The following AKR1C8 variants were observed in gnomAD, a reference collection of about 807,000 sequenced individuals.
The protein encoded by AKR1C8 is aldo-keto reductase family 1 member C8.
the AKR1C8 span, among the ~76,000 whole-genome samples, chr10:5,179,958 CCTT>C: frequency 2.0e-5 from 3 of 152,214 alleles, no homozygotes; most frequent in African/African-American, 7.2e-5. Context: ...TCATCTGAAG[CCTT>C]CTTCTCTCAA....
chr10:5,116,964 A>C, the AKR1C8 span, among the ~76,000 whole-genome samples: 13 of 152,206 alleles, frequency 8.5e-5, no homozygotes, highest in African/African-American at 2.9e-4. Flanking sequence ...GATGAATCCA[A>C]TCTCTCCAAA....
At chr10:5,147,561 A>G in the AKR1C8 span, among the ~76,000 whole-genome samples, 1 of 152,118 alleles carries the variant, frequency 6.6e-6, no homozygotes, top group Admixed American at 6.6e-5. Flanking sequence ...GTGTGGGTAA[A>G]GTCAGGAGAA....
chr10:5,132,739 T>G, the AKR1C8 span: 1 of 1,525,610 alleles, frequency 6.6e-7, no homozygotes, highest in Non-Finnish European at 9.0e-7. Context: ...ATTGCTAATT[T>G]TGTAACCTCC....
the AKR1C8 span, chr10:5,132,613 A>G: frequency 6.3e-7 from 1 of 1,579,714 alleles, no homozygotes; most frequent in Non-Finnish European, 8.7e-7. Context: ...TTTGAAGTGT[A>G]GAATATGTCT....
the AKR1C8 span, among the ~76,000 whole-genome samples, chr10:5,137,056 ATCTG>A: frequency 6.6e-6 from 1 of 152,208 alleles, no homozygotes; most frequent in African/African-American, 2.4e-5. Context: ...AAGCAATAGT[ATCTG>A]TCTAAGGAAA....
the AKR1C8 span, among the ~76,000 whole-genome samples, chr10:5,144,241 T>G: frequency 6.6e-6 from 1 of 152,136 alleles, no homozygotes. Context: ...ATATCTCTGT[T>G]TTGGTACCAG....
chr10:5,118,369 C>T, the AKR1C8 span, among the ~76,000 whole-genome samples: 1 of 58,928 alleles, frequency 1.7e-5, no homozygotes. Context: ...TTCTTCTTGG[C>T]CTAAGTAGCA....
chr10:5,161,218 T>G, the AKR1C8 span, among the ~76,000 whole-genome samples: 1 of 152,176 alleles, frequency 6.6e-6, no homozygotes, highest in East Asian at 1.9e-4. Flanking sequence ...GTCCCTACAG[T>G]TGGAATTCAT....
the AKR1C8 span, among the ~76,000 whole-genome samples, chr10:5,169,773 A>G: frequency 1.3e-5 from 2 of 152,214 alleles, no homozygotes; most frequent in African/African-American, 4.8e-5. Flanking sequence ...AATAATTTCC[A>G]TTAAAAAAAG....
chr10:5,123,436 C>T, the AKR1C8 span: 1 of 423,778 alleles, frequency 2.4e-6, no homozygotes, highest in Non-Finnish European at 4.4e-6. Flanking sequence ...AGTTCTGGTC[C>T]ACCCTGGAAG....
At chr10:5,161,862 A>G in the AKR1C8 span, 1 of 534,142 alleles carries the variant, frequency 1.9e-6, no homozygotes, top group Non-Finnish European at 3.8e-6. Context: ...TGACCTTCAT[A>G]GCAAATGGTA....
At chr10:5,158,733 G>C in the AKR1C8 span, 6 of 475,256 alleles carry the variant, frequency 1.3e-5, no homozygotes, top group African/African-American at 8.0e-5. Context: ...AGACCAAAAG[G>C]TGTCACAATA....
At chr10:5,130,442 AAAGT>A in the AKR1C8 span, among the ~76,000 whole-genome samples, 1 of 152,010 alleles carries the variant, frequency 6.6e-6, no homozygotes, top group African/African-American at 2.4e-5. Flanking sequence ...CAAGAAAGAA[AAAGT>A]AAGAAAGGGC....
At chr10:5,138,808 G>C in the AKR1C8 span, among the ~76,000 whole-genome samples, 1 of 152,054 alleles carries the variant, frequency 6.6e-6, no homozygotes, top group Non-Finnish European at 1.5e-5. Context: ...ATAGGAGCAA[G>C]AGAAATCAGG....
chr10:5,138,810 G>T, the AKR1C8 span, among the ~76,000 whole-genome samples: 2 of 152,072 alleles, frequency 1.3e-5, no homozygotes, highest in Admixed American at 6.6e-5. Flanking sequence ...AGGAGCAAGA[G>T]AAATCAGGCA....
At chr10:5,165,657 C>T in the AKR1C8 span, among the ~76,000 whole-genome samples, 1 of 152,064 alleles carries the variant, frequency 6.6e-6, no homozygotes, top group Non-Finnish European at 1.5e-5. Context: ...CTTACACTGA[C>T]ATTTAAACAA....
At chr10:5,156,019 T>C in the AKR1C8 span, among the ~76,000 whole-genome samples, 6 of 152,198 alleles carry the variant, frequency 3.9e-5, no homozygotes, top group African/African-American at 1.4e-4. Context: ...ATCTAAAATA[T>C]TTATTGAGAA....
the AKR1C8 span, among the ~76,000 whole-genome samples, chr10:5,175,825 T>C: frequency 1.2e-5 from 1 of 80,822 alleles, no homozygotes; most frequent in South Asian, 3.1e-4. Flanking sequence ...GATGGGGTTG[T>C]TTGTTTTTTT....
the AKR1C8 span, among the ~76,000 whole-genome samples, chr10:5,170,737 C>G: frequency 6.6e-6 from 1 of 152,160 alleles, no homozygotes; most frequent in African/African-American, 2.4e-5. Flanking sequence ...AGTTTGATTC[C>G]TTAAAGGAAA....
Sources: allele counts gnomAD v4.1 joint callset (sites outside exome capture counted in the v4.1 genomes callset), GRCh38; gene constraint gnomAD v4.1.1; transcripts MANE v1.5; gene names NCBI Gene and HGNC (gene_info 2026-07-23, HGNC 2026-07-21).